RYR3: variants seen among roughly 807,000 people sequenced by gnomAD.
RYR3 encodes brain ryanodine receptor-calcium release channel.
In RYR3, 207 loss-of-function variants were observed where a neutral mutation model predicts 584.3. The ratio of observed to expected loss-of-function variants is 0.35; its 90% CI spans 0.32 to 0.40. RYR3 has a LOEUF of 0.40. Ranked by LOEUF, RYR3 falls within the 10% of genes least tolerant of loss-of-function variation. The pLI is 1.00. For synonymous variants in RYR3, 2,416 were observed against 2,248.5 expected (o/e 1.07, Z -2.11); for missense variants, 5,616 against 6,089.2 (o/e 0.92, Z 2.59).
chr15:33,359,351 C>G (rs1348832346), intron 1 of RYR3, among the ~76,000 whole-genome samples: 7 of 152,294 alleles, frequency 4.6e-5, no homozygotes, highest in Middle Eastern at 3.4e-3. Flanking sequence ...CTTTAAAGCC[C>G]CTGTGTGTCT....
chr15:33,621,735 T>C (rs1405797724), intron 19 of RYR3, among the ~76,000 whole-genome samples: 1 of 152,172 alleles, frequency 6.6e-6, no homozygotes, highest in Admixed American at 6.5e-5. Flanking sequence ...GCTTTTCAGA[T>C]AAAGTGTCTG....
intron 57 of RYR3, among the ~76,000 whole-genome samples, chr15:33,752,274 A>G (rs143022323): frequency 1.3e-5 from 2 of 152,132 alleles, no homozygotes; most frequent in African/African-American, 2.4e-5. Flanking sequence ...AAGAAAGACA[A>G]TGGTAGCTTG....
chr15:33,426,490 G>A (rs2044666654), intron 1 of RYR3, among the ~76,000 whole-genome samples: 1 of 152,166 alleles, frequency 6.6e-6, no homozygotes, highest in African/African-American at 2.4e-5. Context: ...GCTCCTGGAA[G>A]TAGTACTTTC....
intron 89 of RYR3, 92 bp from the exon 90 acceptor site, chr15:33,840,733 T>G: frequency 8.8e-7 from 1 of 1,135,006 alleles, no homozygotes; most frequent in Non-Finnish European, 1.3e-6. Flanking sequence ...CCATTGAAAT[T>G]TGTGACCAAG....
chr15:33,635,178 G>A (rs1555384964), intron 25 of RYR3, among the ~76,000 whole-genome samples: 3 of 152,168 alleles, frequency 2.0e-5, no homozygotes, highest in Non-Finnish European at 4.4e-5. Flanking sequence ...CCATGCCCCA[G>A]GAGGCACAGT....
At chr15:33,463,418 T>G (rs185208169) in intron 1 of RYR3, among the ~76,000 whole-genome samples, 1 of 152,120 alleles carries the variant, frequency 6.6e-6, no homozygotes, top group South Asian at 2.1e-4. Flanking sequence ...GGGAGAGATG[T>G]ATCCAGAATA....
intron 1 of RYR3, among the ~76,000 whole-genome samples, chr15:33,381,957 G>T (rs757057570): frequency 5.3e-5 from 8 of 152,194 alleles, no homozygotes; most frequent in Admixed American, 2.0e-4. Context: ...AGGTATAACA[G>T]TTATTTCCAG....
At position 33,746,117 on chromosome 15, in the gene RYR3, C is replaced by A; in HGVS notation, c.7949C>A (p.Thr2650Asn). 6.2e-7 allele frequency: 1 copy of A among 1,600,944 alleles called. No homozygotes were observed. The change falls in exon 53 of 104, where the codon ACC becomes AAC. Residue 2650 changes from threonine (T) to asparagine (N), a missense_variant. Around this residue, in one of 9 missense-constraint regions of RYR3, gnomAD observed 1,280 missense variants for 1,426.2 expected, o/e 0.90. Coordinates refer to ENST00000634891, the MANE Select transcript of RYR3 (RefSeq NM_001036.6). The part of the protein sequence containing the change: ...YGISLDENVK[T>N]HPLIRPFKTL... The stretch of plus-strand genomic sequence containing the variant: ...ATTTCCCTGGATGAAAATGTGAAGA[C>A]CCACCCACTGATAAGGCCTTTCAAG...
chr15:33,387,748 C>T lies in RYR3; in HGVS notation c.51+76652C>T, dbSNP rs114112390. Among the ~76,000 whole-genome samples the T allele has an allele frequency of 9.2e-3, 1,389 of 150,444 alleles. 21 individuals are homozygous for T. The highest frequency in any genetic ancestry group is 0.031 in the African/African-American group (1,287 of 41,020). ...GTAAGCAGACACTGCATCCATAGAACAAAATGCTCTAAAAAAAGGAACAAA... is the reference window on the plus strand; with the variant it reads ...GTAAGCAGACACTGCATCCATAGAATAAAATGCTCTAAAAAAAGGAACAAA... On this transcript the variant is annotated intron_variant, in intron 1 of 103. Coordinates refer to ENST00000634891, the MANE Select transcript of RYR3 (RefSeq NM_001036.6).
intron 1 of RYR3, among the ~76,000 whole-genome samples, chr15:33,329,900 A>G (rs896742143): frequency 1.6e-4 from 25 of 152,180 alleles, no homozygotes; most frequent in Admixed American, 1.2e-3. Flanking sequence ...TCATCAAAAT[A>G]CAGGAAATGG....
At chr15:33,813,362 G>A in intron 73 of RYR3, 105 bp from the exon 74 acceptor site, 1 of 1,000,850 alleles carries the variant, frequency 1.0e-6, no homozygotes, top group Non-Finnish European at 1.5e-6. Flanking sequence ...CTACAGTTGA[G>A]AAGCCAAAAT....
chr15:33,366,817 C>A (rs1975567497), intron 1 of RYR3, among the ~76,000 whole-genome samples: 1 of 152,034 alleles, frequency 6.6e-6, no homozygotes, highest in Non-Finnish European at 1.5e-5. Context: ...ATACATAGTC[C>A]AAATGGAGAA....
intron 98 of RYR3, chr15:33,856,216 C>A (rs1000614732): frequency 2.0e-5 from 3 of 152,234 alleles, no homozygotes; most frequent in African/African-American, 7.2e-5. Flanking sequence ...TCCTAAACCA[C>A]CTGCTTTCTG....
At chr15:33,578,781 AC>A (rs201944887) in intron 12 of RYR3, among the ~76,000 whole-genome samples, 8 of 44,502 alleles carry the variant, frequency 1.8e-4, no homozygotes, top group African/African-American at 4.5e-4. Context: ...AAAAAAAACA[AC>A]AACAAAAAAA....
In RYR3 at chr15:33,801,978, C is replaced by T; in HGVS notation, c.10011+17C>T. 6.8e-7 allele frequency: 1 copy of T among 1,471,474 alleles called. No individual in the cohort carries two copies. The highest frequency in any genetic ancestry group is 9.5e-7 in the Non-Finnish European group (1 of 1,051,866). The allele number at this position is 1,471,474 out of a possible 1,614,324, so 91.2% of individuals were successfully genotyped here. ...ATGTCAAAAGTAAGTCCTTAGAAAT[C>T]AATTCCAAAAACTCTTCAACCCTAA... On this transcript the variant is annotated intron_variant, in intron 69 of 103. Transcript: ENST00000634891.
intron 1 of RYR3, among the ~76,000 whole-genome samples, chr15:33,464,492 A>ATAGATATATATATATATATAT (rs1349704138): frequency 1.6e-5 from 1 of 61,772 alleles, no homozygotes; most frequent in Non-Finnish European, 2.9e-5. Flanking sequence ...ATATATATAC[A>ATAGATATATATATATATATAT]CATATATATA....
rs1450450145 is a variant in RYR3, at chr15:33,464,489, T to TATATATATATATATATATATATACACAC, written c.52-8929_52-8928insTATATATATATATATATATATACACACA. Among the ~76,000 whole-genome samples the TATATATATATATATATATATATACACAC allele has an allele frequency of 3.3e-4, 22 of 67,432 alleles. 1 individual carries two copies. The highest frequency in any genetic ancestry group is 1.8e-3 in the African/African-American group (21 of 11,992). 44.2% of individuals were successfully genotyped at this position (67,432 alleles called of 152,430 possible). On this transcript the variant is annotated intron_variant, in intron 1 of 103. Coordinates refer to ENST00000634891, the MANE Select transcript of RYR3 (RefSeq NM_001036.6). ...ATATATATATATATATATATATATATACACATATATATATACATACACATA... is the reference window on the plus strand; with the variant it reads ...ATATATATATATATATATATATATATATATATATATATATATATATATACACACACACATATATATATACATACACATA...
At chr15:33,593,322 T>A (rs2059223571) in intron 16 of RYR3, among the ~76,000 whole-genome samples, 1 of 152,132 alleles carries the variant, frequency 6.6e-6, no homozygotes, top group Admixed American at 6.6e-5. Flanking sequence ...TGGTCTCAAG[T>A]TTCATCTGAT....
At chr15:33,391,177 A>C (rs762259727) in intron 1 of RYR3, among the ~76,000 whole-genome samples, 2 of 152,212 alleles carry the variant, frequency 1.3e-5, no homozygotes, top group Non-Finnish European at 2.9e-5. Context: ...AAGATTTGGG[A>C]GTAATTCTCA....
Sources: gnomAD v4.1 joint callset for allele counts (sites outside exome capture counted in the v4.1 genomes callset) on GRCh38, gnomAD v4.1.1 for gene constraint, gnomAD v4.1.1 regional missense constraint, MANE v1.5 for transcripts, NCBI Gene and HGNC (gene_info 2026-07-23, HGNC 2026-07-21) for gene names.